The following PARD3B variants were observed in gnomAD, a reference collection of about 807,000 sequenced individuals.
PARD3B encodes the protein par-3 family cell polarity regulator beta, also known as partitioning defective 3 homolog B.
PARD3B carries 103 observed loss-of-function variants against 130.2 expected under a neutral mutation model. That is an observed-to-expected ratio of 0.79 (90% confidence interval 0.67 to 0.93). PARD3B has a LOEUF of 0.93. Ranked by LOEUF, PARD3B falls within the 40% of genes least tolerant of loss-of-function variation. PARD3B has a pLI of 0.00. For missense variants in PARD3B, 1,609 were observed against 1,499.2 expected (o/e 1.07, Z -1.21); for synonymous variants, 583 against 553.2 (o/e 1.05, Z -0.76).
rs1267337295 is a variant in PARD3B, at chr2:205,258,028, T to G, written c.2185+12206T>G. Among the ~76,000 whole-genome samples, 3 of 152,120 alleles carry G rather than the reference T, an allele frequency of 2.0e-5. No individual in the cohort carries two copies. The East Asian group carries it at 5.8e-4, about 29-fold the overall frequency. ...CTTCACCTTTTACTTACTATAAACT[T>G]CTCTCAATAAACTCTAACTTGAGTT... On this transcript the variant is annotated intron_variant, in intron 16 of 22. Coordinates refer to ENST00000406610, the MANE Select transcript of PARD3B (RefSeq NM_001302769.2). The surrounding 1 kb of genome is among the most constrained non-coding windows in gnomAD (Gnocchi z 4.9).
rs1161770557 is a variant in PARD3B at position 205,125,231 on chromosome 2, A to G, written c.1306-378A>G. 6.6e-6 allele frequency among the ~76,000 whole-genome samples: 1 copy of G among 152,340 alleles called. No homozygotes were observed. The highest frequency in any genetic ancestry group is 1.9e-4 in the East Asian group (1 of 5,178). ...ATTCTATTGCTAGGTTCGTATTTGC[A>G]GAGAAATTTGCCTTGTGATCATGGT... On this transcript the variant is annotated intron_variant, in intron 9 of 22. Coordinates refer to ENST00000406610, the MANE Select transcript of PARD3B (RefSeq NM_001302769.2). The surrounding 1 kb of genome is among the most constrained non-coding windows in gnomAD (Gnocchi z 4.0).
rs886877035 is a variant in PARD3B at position 205,443,432 on chromosome 2, G to T, written c.3044+2760G>T. ...AGAGATGATTAAGAAACAGTCCCAG[G>T]CCAGAAGAGGTCATAATCTAGTGAA... On this transcript the variant is annotated intron_variant, in intron 20 of 22. Coordinates refer to ENST00000406610, the MANE Select transcript of PARD3B (RefSeq NM_001302769.2). 3.3e-5 allele frequency among the ~76,000 whole-genome samples: 5 copies of T among 152,112 alleles called. No individual in the cohort carries two copies. The South Asian group carries it at 8.3e-4, about 25-fold the overall frequency.
chr2:205,404,615 G>A (rs78292094), intron 19 of PARD3B, among the ~76,000 whole-genome samples: 3,874 of 152,016 alleles, frequency 0.025, 154 homozygotes, highest in African/African-American at 0.088. Context: ...ATCAATATAC[G>A]ATAAACTATT....
At chr2:205,065,988 A>T (rs1700347908) in intron 4 of PARD3B, among the ~76,000 whole-genome samples, 1 of 152,172 alleles carries the variant, frequency 6.6e-6, no homozygotes, top group South Asian at 2.1e-4. Flanking sequence ...AGACAAAACA[A>T]CCACAAAAAC....
intron 1 of PARD3B, among the ~76,000 whole-genome samples, chr2:204,659,018 G>A (rs1180201066): frequency 6.6e-6 from 1 of 152,082 alleles, no homozygotes; most frequent in Non-Finnish European, 1.5e-5. Flanking sequence ...AAGTAGCCAG[G>A]CCAGCTATCA....
chr2:204,814,029 CA>C (rs1280207653), intron 2 of PARD3B, among the ~76,000 whole-genome samples: 4 of 152,050 alleles, frequency 2.6e-5, no homozygotes, highest in Non-Finnish European at 5.9e-5. Flanking sequence ...GGATTATGTT[CA>C]AGATATAGTC....
intron 2 of PARD3B, among the ~76,000 whole-genome samples, chr2:204,877,405 TAAAAA>T (rs1183572026): frequency 6.6e-6 from 1 of 151,662 alleles, no homozygotes; most frequent in Admixed American, 6.6e-5. Context: ...ATAAAAAAAT[TAAAAA>T]AAAGAAAATA....
intron 1 of PARD3B, among the ~76,000 whole-genome samples, chr2:204,637,392 A>G (rs371426366): frequency 3.7e-4 from 57 of 152,260 alleles, no homozygotes; most frequent in African/African-American, 1.2e-3. Flanking sequence ...ATTTCCTTCC[A>G]GGTTTAATAT....
chr2:205,441,521 G>A (rs1242174242), intron 20 of PARD3B, among the ~76,000 whole-genome samples: 1 of 152,198 alleles, frequency 6.6e-6, no homozygotes, highest in Non-Finnish European at 1.5e-5. Flanking sequence ...TGGTGGGGAA[G>A]AAGGGTAGCA....
At chr2:205,312,815 T>C (rs955730511) in intron 18 of PARD3B, among the ~76,000 whole-genome samples, 5 of 152,238 alleles carry the variant, frequency 3.3e-5, no homozygotes, top group Non-Finnish European at 7.3e-5. Flanking sequence ...TGACCCTTTT[T>C]TTTCCATTAT....
intron 3 of PARD3B, among the ~76,000 whole-genome samples, chr2:205,037,248 A>AAT (rs899276931): frequency 4.7e-5 from 7 of 147,554 alleles, no homozygotes; most frequent in Non-Finnish European, 6.0e-5. Flanking sequence ...TGTATATAAA[A>AAT]ATATATATAT....
intron 3 of PARD3B, among the ~76,000 whole-genome samples, chr2:205,023,104 A>C (rs954757200): frequency 2.6e-5 from 4 of 152,184 alleles, no homozygotes; most frequent in African/African-American, 9.7e-5. Context: ...TTCTATGCCA[A>C]ATCTTGGTGC....
chr2:204,918,823 C>A (rs2047553308), intron 2 of PARD3B, among the ~76,000 whole-genome samples: 1 of 151,120 alleles, frequency 6.6e-6, no homozygotes, highest in Non-Finnish European at 1.5e-5. Flanking sequence ...TAGCCATTGC[C>A]CATGTTCTAT....
chr2:204,773,836 C>T (rs2041497882), intron 2 of PARD3B, among the ~76,000 whole-genome samples: 1 of 151,956 alleles, frequency 6.6e-6, no homozygotes, highest in African/African-American at 2.4e-5. Context: ...TAGAATGACC[C>T]TTTAGAATGT....
rs535933560 is a variant in PARD3B at position 205,077,697 on chromosome 2, TGAGA to T, written c.505-26726_505-26723del. ...TTAGAGAATAGGTGAGAGAGATGCC[TGAGA>T]GATAACAGAATAGGGACGTCTGGGA... On this transcript the variant is annotated intron_variant, in intron 4 of 22. Transcript: ENST00000406610. Among the ~76,000 whole-genome samples, 720 of 152,214 alleles carry T rather than the reference TGAGA, an allele frequency of 4.7e-3. 7 individuals carry two copies. Among genetic ancestry groups the T allele is most frequent in the African/African-American group, 0.017 (689 of 41,536 alleles).
chr2:205,478,703 G>A (rs2049116409), intron 20 of PARD3B, among the ~76,000 whole-genome samples: 1 of 152,136 alleles, frequency 6.6e-6, no homozygotes, highest in Admixed American at 6.6e-5. Flanking sequence ...ATTCTAATGA[G>A]GATGAGGAGC....
chr2:205,086,281 T>C (rs993961082), intron 4 of PARD3B, among the ~76,000 whole-genome samples: 6 of 152,228 alleles, frequency 3.9e-5, no homozygotes, highest in Non-Finnish European at 5.9e-5. Flanking sequence ...AAAATGGGTA[T>C]TGAAGTGCAC....
intron 1 of PARD3B, among the ~76,000 whole-genome samples, chr2:204,557,392 C>T (rs1035821037): frequency 6.6e-6 from 1 of 152,292 alleles, no homozygotes; most frequent in African/African-American, 2.4e-5. Flanking sequence ...ACACCTCCCT[C>T]ATATTCCACC....
intron 18 of PARD3B, among the ~76,000 whole-genome samples, chr2:205,376,225 T>G (rs574422937): frequency 1.3e-5 from 2 of 151,994 alleles, no homozygotes; most frequent in Non-Finnish European, 2.9e-5. Flanking sequence ...GGCCACCAGA[T>G]AGATAATAAG....
Sources: allele counts gnomAD v4.1 joint callset (sites outside exome capture counted in the v4.1 genomes callset), GRCh38; gene constraint gnomAD v4.1.1; non-coding constraint Gnocchi (gnomAD v3.1); transcripts MANE v1.5; gene names NCBI Gene and HGNC (gene_info 2026-07-23, HGNC 2026-07-21).